Variants in MARCHF11 observed in about 807,000 individuals in gnomAD.
The protein encoded by MARCHF11 is membrane associated ring-CH-type finger 11, also known as E3 ubiquitin-protein ligase MARCHF11.
In MARCHF11, 29 loss-of-function variants were observed where a neutral mutation model predicts 37.3. That is an observed-to-expected ratio of 0.78 (90% CI 0.58 to 1.06). The LOEUF is 1.06. MARCHF11 is among the 50% of genes least tolerant of loss of function. The probability of loss-of-function intolerance (pLI) is 0.00; values close to 1 mark genes in which losing one functional copy is unlikely to be tolerated. For missense variants in MARCHF11, 482 were observed against 533.4 expected (o/e 0.90, Z 0.95); for synonymous variants, 233 against 228.0 (o/e 1.02, Z -0.20).
At chr5:16,115,362 C>T (rs780743681) in intron 2 of MARCHF11, among the ~76,000 whole-genome samples, 10 of 152,072 alleles carry the variant, frequency 6.6e-5, no homozygotes, top group African/African-American at 1.2e-4. Context: ...CAGCTGAGGA[C>T]GACTGTCAAG....
At chr5:16,122,515 A>C (rs1011815537) in intron 2 of MARCHF11, among the ~76,000 whole-genome samples, 8 of 152,244 alleles carry the variant, frequency 5.3e-5, no homozygotes, top group Admixed American at 2.6e-4. Context: ...AAATGTTAAC[A>C]GTGTACAATG....
At chr5:16,119,143 A>G (rs1393336866) in intron 2 of MARCHF11, among the ~76,000 whole-genome samples, 1 of 152,078 alleles carries the variant, frequency 6.6e-6, no homozygotes, top group Non-Finnish European at 1.5e-5. Context: ...TGGGTGGATC[A>G]CTTGAGGTCA....
chr5:16,149,171 C>T (rs1311370912), intron 2 of MARCHF11, among the ~76,000 whole-genome samples: 1 of 152,100 alleles, frequency 6.6e-6, no homozygotes, highest in Admixed American at 6.6e-5. Context: ...CCCAGTGTGG[C>T]ACTACTCCCC....
At chr5:16,096,089 T>A (rs1244329952) in intron 2 of MARCHF11, among the ~76,000 whole-genome samples, 5 of 152,186 alleles carry the variant, frequency 3.3e-5, no homozygotes, top group Non-Finnish European at 7.3e-5. Flanking sequence ...TGCCCTTCTC[T>A]CTGCCTACTC....
chr5:16,138,972 G>A (rs1737658327), intron 2 of MARCHF11, among the ~76,000 whole-genome samples: 1 of 152,298 alleles, frequency 6.6e-6, no homozygotes, highest in East Asian at 1.9e-4. Context: ...AGGCAGAATG[G>A]ACTTGCCTTG....
intron 2 of MARCHF11, among the ~76,000 whole-genome samples, chr5:16,147,246 T>TA (rs1737814363): frequency 6.6e-6 from 1 of 152,150 alleles, no homozygotes; most frequent in African/African-American, 2.4e-5. Flanking sequence ...GCCCTTTATT[T>TA]AAAAATCACT....
At chr5:16,069,735 T>C (rs1369627141) in intron 3 of MARCHF11, among the ~76,000 whole-genome samples, 2 of 152,154 alleles carry the variant, frequency 1.3e-5, no homozygotes, top group Non-Finnish European at 2.9e-5. Context: ...GAATGCGTGA[T>C]TGAAAGATTG....
chr5:16,075,679 A>G (rs1032859289), intron 3 of MARCHF11, among the ~76,000 whole-genome samples: 1 of 152,212 alleles, frequency 6.6e-6, no homozygotes, highest in Non-Finnish European at 1.5e-5. Context: ...CTCTATGAAA[A>G]TAGAAAAGGA....
chr5:16,169,011 A>C (rs1403442741), intron 2 of MARCHF11, among the ~76,000 whole-genome samples: 1 of 152,144 alleles, frequency 6.6e-6, no homozygotes, highest in Admixed American at 6.5e-5. Context: ...GTTAGTAAGA[A>C]TATAAGAAAA....
At chr5:16,163,358 C>T (rs344737) in intron 2 of MARCHF11, among the ~76,000 whole-genome samples, 1 of 151,860 alleles carries the variant, frequency 6.6e-6, no homozygotes, top group African/African-American at 2.4e-5. Flanking sequence ...ATACTCACAG[C>T]AATTCCATCT....
chr5:16,168,913 TATAAC>T (rs1384608891), intron 2 of MARCHF11, among the ~76,000 whole-genome samples: 1 of 152,042 alleles, frequency 6.6e-6, no homozygotes, highest in Non-Finnish European at 1.5e-5. Flanking sequence ...AATCTACAAA[TATAAC>T]ATAGGAAACA....
intron 2 of MARCHF11, among the ~76,000 whole-genome samples, chr5:16,173,390 T>G (rs1200292937): frequency 6.6e-6 from 1 of 152,192 alleles, no homozygotes; most frequent in Non-Finnish European, 1.5e-5. Context: ...CTGCCTGACC[T>G]TGAATAGTGC....
At chr5:16,096,622 A>G (rs1223577533) in intron 2 of MARCHF11, among the ~76,000 whole-genome samples, 1 of 152,216 alleles carries the variant, frequency 6.6e-6, no homozygotes, top group Non-Finnish European at 1.5e-5. Flanking sequence ...GTTCTTATCA[A>G]TGAAGTATGA....
At chr5:16,084,440 G>C (rs1052637357) in intron 3 of MARCHF11, among the ~76,000 whole-genome samples, 3 of 152,058 alleles carry the variant, frequency 2.0e-5, no homozygotes, top group Non-Finnish European at 4.4e-5. Flanking sequence ...GTCAGGAGTT[G>C]AAGGCCACCC....
At position 16,067,712 on chromosome 5, in the gene MARCHF11, T is replaced by C; in HGVS notation, c.968A>G (p.Asn323Ser). The change falls in exon 4 of 4, where the codon AAT becomes AGT. Residue 323 changes from asparagine to serine, a missense_variant. By Grantham distance (46) the Asn-to-Ser change is conservative. Transcript: ENST00000332432. ...TTCGATGTCTGTGGCTTTGTCATAATTTAACACATCCCAGTGCAAATTCAC... is the reference window on the plus strand; with the variant it reads ...TTCGATGTCTGTGGCTTTGTCATAACTTAACACATCCCAGTGCAAATTCAC... ...RAVNLHWDVL[N>S]YDKATDIEES... 1 of 1,613,918 alleles carries C rather than the reference T, an allele frequency of 6.2e-7. No homozygotes were observed. The highest frequency in any genetic ancestry group is 8.5e-7 in the Non-Finnish European group (1 of 1,179,846).
chr5:16,072,859 G>A (rs1736461440), intron 3 of MARCHF11, among the ~76,000 whole-genome samples: 1 of 152,058 alleles, frequency 6.6e-6, no homozygotes, highest in African/African-American at 2.4e-5. Flanking sequence ...CCTTGTGGGT[G>A]GGAAGGGAGA....
chr5:16,108,372 G>A (rs541324509), intron 2 of MARCHF11, among the ~76,000 whole-genome samples: 36 of 152,350 alleles, frequency 2.4e-4, no homozygotes, highest in African/African-American at 8.4e-4. Context: ...CATGTCCTGC[G>A]AGGGGGGCCA....
At chr5:16,071,990 C>T (rs1193356234) in intron 3 of MARCHF11, among the ~76,000 whole-genome samples, 2 of 151,964 alleles carry the variant, frequency 1.3e-5, no homozygotes, top group Non-Finnish European at 2.9e-5. Context: ...GACAGAGTCT[C>T]GCTCTGTCAC....
intron 3 of MARCHF11, among the ~76,000 whole-genome samples, chr5:16,072,841 C>T (rs754026057): frequency 2.0e-5 from 3 of 152,018 alleles, no homozygotes; most frequent in African/African-American, 7.3e-5. Context: ...CCTTGCCAAC[C>T]CTTTTCTCCT....
Sources: allele counts gnomAD v4.1 joint callset (sites outside exome capture counted in the v4.1 genomes callset), GRCh38; gene constraint gnomAD v4.1.1; transcripts MANE v1.5; gene names NCBI Gene and HGNC (gene_info 2026-07-23, HGNC 2026-07-21).